Variants in ANKRD62 observed in about 807,000 individuals in gnomAD.
ANKRD62 encodes ankyrin repeat domain 62, also known as ankyrin repeat domain-containing protein 62.
ANKRD62 carries 61 observed loss-of-function variants against 98.8 expected under a neutral mutation model. That is an observed-to-expected ratio of 0.62 (90% CI 0.50 to 0.76). The LOEUF (loss-of-function observed/expected upper bound fraction) is 0.76, where lower values mean the gene tolerates loss of function less well. Ranked by LOEUF, ANKRD62 falls within the 30% of genes least tolerant of loss-of-function variation. The pLI is 0.00. For missense variants in ANKRD62, 933 were observed against 1,082.9 expected (o/e 0.86, Z 1.94); for synonymous variants, 341 against 367.9 (o/e 0.93, Z 0.84).
chr18:12,141,068 C>T, the ANKRD62 span, among the ~76,000 whole-genome samples: 1 of 152,218 alleles, frequency 6.6e-6, no homozygotes, highest in Non-Finnish European at 1.5e-5. Flanking sequence ...CGCCCCTCCG[C>T]CAGCCTCGCT....
At chr18:12,146,906 TGCCATTTG>T in the ANKRD62 span, among the ~76,000 whole-genome samples, 2 of 147,286 alleles carry the variant, frequency 1.4e-5, no homozygotes, top group Non-Finnish European at 3.0e-5. Flanking sequence ...CTGCTACCTT[TGCCATTTG>T]GGTGGCTTAG....
At chr18:12,099,221 A>C (rs1006175315) in intron 5 of ANKRD62, among the ~76,000 whole-genome samples, 1 of 152,216 alleles carries the variant, frequency 6.6e-6, no homozygotes, top group Non-Finnish European at 1.5e-5. Context: ...TTGCTTTACT[A>C]TTTCTCTGAG....
rs1186818168 is a variant in ANKRD62, at chr18:12,105,559, AAAAAG to A, written c.892-1730_892-1726del. Among the ~76,000 whole-genome samples the A allele has an allele frequency of 7.2e-5, 11 of 152,334 alleles. No individual in the cohort carries two copies. The East Asian group carries it at 1.9e-3, about 27-fold the overall frequency. On this transcript the variant is annotated intron_variant, in intron 7 of 13. Transcript: ENST00000587848. ...CTTCTCACAGCTCTTCTTAGAAAGA[AAAAAG>A]AAAAGTTCAGAAAGATTTACAGGGC...
At chr18:12,133,265 T>C (rs1406244014), downstream of ANKRD62, among the ~76,000 whole-genome samples, 1 of 152,208 alleles carries the variant, frequency 6.6e-6, no homozygotes, top group Non-Finnish European at 1.5e-5. Context: ...TTTCCTCTTA[T>C]TTGCAATTAA....
At chr18:12,113,791 G>A (rs1323658263) in intron 8 of ANKRD62, among the ~76,000 whole-genome samples, 1 of 152,100 alleles carries the variant, frequency 6.6e-6, no homozygotes, top group Non-Finnish European at 1.5e-5. Flanking sequence ...TCTTATTACT[G>A]GGTATATACC....
intron 5 of ANKRD62, among the ~76,000 whole-genome samples, chr18:12,098,774 C>G (rs1242331124): frequency 6.6e-6 from 1 of 152,138 alleles, no homozygotes; most frequent in African/African-American, 2.4e-5. Flanking sequence ...CTTCATGACC[C>G]TTCAAAAATA....
chr18:12,136,146 A>G, the ANKRD62 span, among the ~76,000 whole-genome samples: 17 of 151,986 alleles, frequency 1.1e-4, no homozygotes, highest in Non-Finnish European at 1.3e-4. Flanking sequence ...GGTATTGCCT[A>G]GGTTTTCTTC....
chr18:12,150,411 A>G, the ANKRD62 span, among the ~76,000 whole-genome samples: 1 of 152,236 alleles, frequency 6.6e-6, no homozygotes, highest in Non-Finnish European at 1.5e-5. Flanking sequence ...AACTTCCCCA[A>G]ACTTGCTAGA....
chr18:12,104,521 T>C (rs1393751748), intron 7 of ANKRD62, among the ~76,000 whole-genome samples: 1 of 152,024 alleles, frequency 6.6e-6, no homozygotes, highest in Admixed American at 6.6e-5. Context: ...TGTGCAAAAG[T>C]ATGAGGAAAA....
intron 10 of ANKRD62, among the ~76,000 whole-genome samples, chr18:12,117,616 C>G (rs890568413): frequency 6.6e-6 from 1 of 152,146 alleles, no homozygotes; most frequent in African/African-American, 2.4e-5. Flanking sequence ...TGTTCTTTAT[C>G]ATGCTGAGGA....
At chr18:12,156,991 C>CA in the ANKRD62 span, among the ~76,000 whole-genome samples, 1 of 152,176 alleles carries the variant, frequency 6.6e-6, no homozygotes, top group East Asian at 1.9e-4. Context: ...GACAGCATCT[C>CA]ACTATGTTGC....
chr18:12,105,637 T>C (rs539928301), intron 7 of ANKRD62, among the ~76,000 whole-genome samples: 1 of 152,344 alleles, frequency 6.6e-6, no homozygotes, highest in East Asian at 1.9e-4. Context: ...ATTTGGTGCA[T>C]TCTAATTTTT....
the ANKRD62 span, among the ~76,000 whole-genome samples, chr18:12,171,224 TC>T: frequency 6.6e-6 from 1 of 152,238 alleles, no homozygotes; most frequent in Non-Finnish European, 1.5e-5. Flanking sequence ...TGCAGTTTCT[TC>T]CTAGCATCGA....
the ANKRD62 span, among the ~76,000 whole-genome samples, chr18:12,135,180 T>C: frequency 7.0e-6 from 1 of 142,746 alleles, no homozygotes; most frequent in Admixed American, 6.9e-5. Flanking sequence ...CTCCTAATGC[T>C]ATCCCTCCCC....
At chr18:12,166,734 A>G in the ANKRD62 span, among the ~76,000 whole-genome samples, 4,266 of 152,016 alleles carry the variant, frequency 0.028, 209 homozygotes, top group African/African-American at 0.096. Context: ...GTATTTATTT[A>G]TTTGTTATAC....
chr18:12,153,593 GAAAA>G, the ANKRD62 span, among the ~76,000 whole-genome samples: 1,691 of 64,046 alleles, frequency 0.026, 25 homozygotes, highest in African/African-American at 0.042. Flanking sequence ...CTCTGCCTGG[GAAAA>G]AAAAAAAAAA....
the ANKRD62 span, among the ~76,000 whole-genome samples, chr18:12,140,526 G>C: frequency 3.7e-4 from 57 of 152,272 alleles, no homozygotes; most frequent in African/African-American, 1.3e-3. Context: ...TGGGTTGTTG[G>C]TGTAGATGTC....
chr18:12,174,377 A>G, the ANKRD62 span, among the ~76,000 whole-genome samples: 1 of 152,012 alleles, frequency 6.6e-6, no homozygotes, highest in Non-Finnish European at 1.5e-5. Flanking sequence ...TATACTGACT[A>G]TTTTGTCTGT....
chr18:12,167,094 G>T, the ANKRD62 span, among the ~76,000 whole-genome samples: 1 of 151,652 alleles, frequency 6.6e-6, no homozygotes, highest in Admixed American at 6.6e-5. Context: ...CGGTGTACAT[G>T]TGCCACATTA....
Sources: allele counts gnomAD v4.1 joint callset (sites outside exome capture counted in the v4.1 genomes callset), GRCh38; gene constraint gnomAD v4.1.1; transcripts MANE v1.5; gene names NCBI Gene and HGNC (gene_info 2026-07-23, HGNC 2026-07-21).